STK39: variants seen among roughly 807,000 people sequenced by gnomAD.
STK39 encodes serine/threonine kinase 39.
In STK39, 20 loss-of-function variants were observed where a neutral mutation model predicts 77.8. That is an observed-to-expected ratio of 0.26 (90% CI 0.18 to 0.37). STK39 has a LOEUF of 0.37. Among genes scored for constraint, STK39 ranks in the 10% least tolerant of loss-of-function variants. STK39 has a pLI of 1.00. For missense variants in STK39, 479 were observed against 656.5 expected (o/e 0.73, Z 2.95); for synonymous variants, 246 against 234.1 (o/e 1.05, Z -0.47).
At chr2:168,200,306 C>T (rs1020629914) in intron 1 of STK39, among the ~76,000 whole-genome samples, 1 of 152,022 alleles carries the variant, frequency 6.6e-6, no homozygotes, top group Non-Finnish European at 1.5e-5. Flanking sequence ...ACATACATGC[C>T]AAACTACTAT....
rs1208197227 is a variant in STK39 at position 168,053,801 on chromosome 2, T to C, written c.1376+9699A>G. Among the ~76,000 whole-genome samples, 4 of 152,212 alleles carry C rather than the reference T, an allele frequency of 2.6e-5. No homozygotes were observed. The East Asian group carries it at 5.8e-4, about 22-fold the overall frequency. On this transcript the variant is annotated intron_variant, in intron 14 of 17. Coordinates refer to ENST00000355999, the MANE Select transcript of STK39 (RefSeq NM_013233.3). ...TACACGACCCTCTATCACCTATATG[T>C]ATACTATCTCCCTATACCATATCAT...
At chr2:168,110,341 T>C (rs983815120) in intron 10 of STK39, among the ~76,000 whole-genome samples, 3 of 152,324 alleles carry the variant, frequency 2.0e-5, no homozygotes, top group Admixed American at 1.3e-4. Context: ...CAAGCAATCC[T>C]CCTTCCTCAG....
chr2:168,066,024 A>ACAC (rs1377079838), intron 12 of STK39, among the ~76,000 whole-genome samples: 1 of 150,776 alleles, frequency 6.6e-6, no homozygotes, highest in African/African-American at 2.5e-5. Context: ...ACAAAAAACA[A>ACAC]CACCAACAAC....
At chr2:168,073,461 G>A (rs143683071) in intron 12 of STK39, among the ~76,000 whole-genome samples, 65 of 152,286 alleles carry the variant, frequency 4.3e-4, no homozygotes, top group African/African-American at 1.5e-3. Context: ...GAAAAGCCTA[G>A]ACTCTGCACC....
intron 1 of STK39, among the ~76,000 whole-genome samples, chr2:168,236,393 C>T (rs1315251205): frequency 6.6e-6 from 1 of 152,134 alleles, no homozygotes; most frequent in African/African-American, 2.4e-5. Context: ...TTCTCCCATT[C>T]TGTAGGTTGC....
intron 12 of STK39, among the ~76,000 whole-genome samples, chr2:168,067,718 T>G (rs1175006191): frequency 6.6e-6 from 1 of 152,208 alleles, no homozygotes; most frequent in Middle Eastern, 3.2e-3. Flanking sequence ...GGGTATACTC[T>G]TCTAAGTGTA....
At chr2:168,108,086 A>C (rs1687027032) in intron 10 of STK39, among the ~76,000 whole-genome samples, 1 of 151,056 alleles carries the variant, frequency 6.6e-6, no homozygotes, top group Non-Finnish European at 1.5e-5. Flanking sequence ...TGTATACTGG[A>C]ACAACAAGCT....
At chr2:168,208,063 T>G (rs1689787732) in intron 1 of STK39, among the ~76,000 whole-genome samples, 1 of 152,190 alleles carries the variant, frequency 6.6e-6, no homozygotes, top group Admixed American at 6.6e-5. Flanking sequence ...GTTCTGGGGA[T>G]AGGAGCAGAA....
intron 2 of STK39, among the ~76,000 whole-genome samples, chr2:168,174,031 T>C (rs1688894325): frequency 6.6e-6 from 1 of 152,232 alleles, no homozygotes; most frequent in Non-Finnish European, 1.5e-5. Context: ...TTTCATGTGA[T>C]TTGGTATCTG....
intron 2 of STK39, among the ~76,000 whole-genome samples, chr2:168,175,643 ATACAG>A (rs1480300691): frequency 6.6e-6 from 1 of 152,226 alleles, no homozygotes; most frequent in Non-Finnish European, 1.5e-5. Flanking sequence ...AGTTTTGCAT[ATACAG>A]TATAGTATTT....
intron 3 of STK39, among the ~76,000 whole-genome samples, chr2:168,165,265 T>A (rs1688668864): frequency 1.3e-5 from 2 of 152,130 alleles, no homozygotes; most frequent in Admixed American, 1.3e-4. Context: ...TAAAATCTGT[T>A]CTTACCTAAA....
intron 10 of STK39, among the ~76,000 whole-genome samples, chr2:168,087,192 A>G (rs1241381672): frequency 2.0e-5 from 3 of 152,230 alleles, no homozygotes; most frequent in South Asian, 4.1e-4. Flanking sequence ...GGATACAGCA[A>G]TAAGTTAAGA....
intron 1 of STK39, among the ~76,000 whole-genome samples, chr2:168,202,771 A>AG (rs1689642471): frequency 2.6e-5 from 4 of 152,300 alleles, no homozygotes; most frequent in Non-Finnish European, 4.4e-5. Context: ...TAAAAAAAAA[A>AG]AGAGAGTAAA....
At chr2:168,217,968 T>G (rs910194026) in intron 1 of STK39, among the ~76,000 whole-genome samples, 2 of 152,234 alleles carry the variant, frequency 1.3e-5, no homozygotes, top group African/African-American at 2.4e-5. Flanking sequence ...GTTATCATGA[T>G]TTAGACAGAA....
chr2:168,183,380 G>A (rs1275162215), intron 1 of STK39, among the ~76,000 whole-genome samples: 2 of 152,060 alleles, frequency 1.3e-5, no homozygotes, highest in African/African-American at 2.4e-5. Context: ...GACTCCTTAT[G>A]AGCCTGTACA....
intron 1 of STK39, among the ~76,000 whole-genome samples, chr2:168,242,560 A>AAAAT (rs1296747890): frequency 8.9e-5 from 4 of 44,864 alleles, no homozygotes; most frequent in Non-Finnish European, 1.2e-4. Context: ...AAAAAAAAAA[A>AAAAT]ATATATATAT....
At chr2:168,091,150 G>GCACA (rs71927823) in intron 10 of STK39, among the ~76,000 whole-genome samples, 7,927 of 147,552 alleles carry the variant, frequency 0.054, 325 homozygotes, top group East Asian at 0.12. Context: ...ACAAACAGGT[G>GCACA]CACACACACA....
At chr2:168,136,111 G>A (rs1687828331) in intron 8 of STK39, among the ~76,000 whole-genome samples, 1 of 151,806 alleles carries the variant, frequency 6.6e-6, no homozygotes. Flanking sequence ...GCTCATGCCT[G>A]TAATCCCAGC....
chr2:168,032,659 C>T (rs554551609), intron 14 of STK39, among the ~76,000 whole-genome samples: 1 of 152,358 alleles, frequency 6.6e-6, no homozygotes, highest in Non-Finnish European at 1.5e-5. Context: ...CTGCAAACAA[C>T]CTGCTATTTG....
Sources: gnomAD v4.1 joint callset for allele counts (sites outside exome capture counted in the v4.1 genomes callset) on GRCh38, gnomAD v4.1.1 for gene constraint, MANE v1.5 for transcripts, NCBI Gene and HGNC (gene_info 2026-07-23, HGNC 2026-07-21) for gene names.